Variants in RNF24 observed in about 807,000 individuals in gnomAD.
The protein encoded by RNF24 is ring finger protein 24.
In RNF24, 14 loss-of-function variants were observed where a neutral mutation model predicts 20.0. The ratio of observed to expected loss-of-function variants is 0.70; its 90% CI spans 0.46 to 1.10. The LOEUF (loss-of-function observed/expected upper bound fraction) is 1.10. RNF24 is among the 50% of genes least tolerant of loss of function. The pLI is 0.00. For synonymous variants in RNF24, 45 were observed against 61.1 expected, an observed-to-expected ratio of 0.74 and a Z score of 1.23; for missense variants, 124 against 177.6, an observed-to-expected ratio of 0.70 and a Z score of 1.71.
At chr20:3,945,300 C>A (rs550873179) in intron 3 of RNF24, 82 bp from the exon 4 acceptor site, 15 of 1,337,920 alleles carry the variant, frequency 1.1e-5, no homozygotes, top group Non-Finnish European at 1.5e-5. Context: ...AAATATTTTT[C>A]TTTTGTATAT....
intron 1 of RNF24, among the ~76,000 whole-genome samples, chr20:3,984,244 A>AAAAAG (rs973848678): frequency 2.0e-5 from 3 of 151,882 alleles, no homozygotes; most frequent in African/African-American, 2.4e-5. Flanking sequence ...CTTAAAAAAA[A>AAAAAG]AAAAGAAAAG....
chr20:3,953,899 G>A (rs533423886), intron 2 of RNF24, among the ~76,000 whole-genome samples: 10 of 151,144 alleles, frequency 6.6e-5, no homozygotes, highest in Admixed American at 4.0e-4. Flanking sequence ...TGAGAATACA[G>A]GTGTGTGCCA....
chr20:3,967,653 C>CA (rs1335837595), intron 1 of RNF24, among the ~76,000 whole-genome samples: 1 of 152,118 alleles, frequency 6.6e-6, no homozygotes, highest in African/African-American at 2.4e-5. Context: ...GTTCCCTGGA[C>CA]AATACCATAT....
Position 3,964,035 on chromosome 20 carries a change from A to C in RNF24, c.-7-11T>G, listed in dbSNP as rs759823478. 2.5e-5 allele frequency: 41 copies of C among 1,609,124 alleles called. No individual in the cohort carries two copies. Among genetic ancestry groups the C allele is most frequent in the Non-Finnish European group, 3.4e-5 (40 of 1,178,460 alleles). On this transcript the variant is annotated splice_polypyrimidine_tract_variant and intron_variant, in intron 1 of 5. Coordinates refer to ENST00000358395, the MANE Select transcript of RNF24 (RefSeq NM_001134337.3). ...GAGCTCATGGATGAACTGTGGGGGA[A>C]GAAAAGAATGGAAAAAAAATAGGTA... is the stretch of plus-strand genomic sequence containing the variant.
At chr20:3,986,629 A>T (rs1979936058) in intron 1 of RNF24, among the ~76,000 whole-genome samples, 1 of 151,062 alleles carries the variant, frequency 6.6e-6, no homozygotes, top group Non-Finnish European at 1.5e-5. Flanking sequence ...TATCCCAGGC[A>T]TGAGTGTGCA....
intron 1 of RNF24, among the ~76,000 whole-genome samples, chr20:4,008,400 A>AT (rs1982097781): frequency 8.3e-5 from 6 of 71,942 alleles, no homozygotes; most frequent in Non-Finnish European, 1.3e-4. Flanking sequence ...TTATATATGT[A>AT]ATATGTATAA....
At chr20:3,966,948 C>T (rs1352670668) in intron 1 of RNF24, among the ~76,000 whole-genome samples, 1 of 152,136 alleles carries the variant, frequency 6.6e-6, no homozygotes, top group East Asian at 1.9e-4. Context: ...TAATAAATCC[C>T]AATTACCAGA....
At chr20:4,009,007 T>G (rs1982211202) in intron 1 of RNF24, among the ~76,000 whole-genome samples, 2 of 152,190 alleles carry the variant, frequency 1.3e-5, no homozygotes, top group South Asian at 4.1e-4. Flanking sequence ...TTTTTAAAAA[T>G]CAAAAGCTAT....
intron 2 of RNF24, 104 bp from the exon 3 acceptor site, chr20:3,948,383 C>T: frequency 2.7e-6 from 2 of 747,864 alleles, no homozygotes; most frequent in Non-Finnish European, 4.4e-6. Flanking sequence ...ACATTTATGG[C>T]TCAAATGATA....
chr20:3,977,382 G>A (rs540409387), intron 1 of RNF24, among the ~76,000 whole-genome samples: 1 of 152,080 alleles, frequency 6.6e-6, no homozygotes, highest in Non-Finnish European at 1.5e-5. Context: ...GCCACAAACA[G>A]TATGTATAAT....
intron 1 of RNF24, among the ~76,000 whole-genome samples, chr20:3,997,143 T>C (rs1042418529): frequency 5.3e-5 from 8 of 149,984 alleles, no homozygotes; most frequent in African/African-American, 2.0e-4. Flanking sequence ...GGAGAGTTGC[T>C]TGAACCCAGG....
At chr20:3,976,269 C>T (rs1026242045) in intron 1 of RNF24, among the ~76,000 whole-genome samples, 5 of 152,100 alleles carry the variant, frequency 3.3e-5, no homozygotes, top group African/African-American at 4.8e-5. Context: ...AGTACATAAA[C>T]GTATGTTCAA....
chr20:3,994,663 G>A (rs1398371138), intron 1 of RNF24, among the ~76,000 whole-genome samples: 3 of 152,126 alleles, frequency 2.0e-5, no homozygotes, highest in Admixed American at 2.0e-4. Context: ...ACGAGTCTTT[G>A]GACCCTGTTG....
chr20:3,977,203 A>G (rs567731382), intron 1 of RNF24, among the ~76,000 whole-genome samples: 1 of 152,326 alleles, frequency 6.6e-6, no homozygotes, highest in Non-Finnish European at 1.5e-5. Flanking sequence ...AAAATCCCCC[A>G]TAGTAATCTA....
At chr20:4,009,398 G>A (rs1478707334) in intron 1 of RNF24, among the ~76,000 whole-genome samples, 1 of 152,186 alleles carries the variant, frequency 6.6e-6, no homozygotes, top group African/African-American at 2.4e-5. Flanking sequence ...ATGCAAGAGA[G>A]AGGGCAAAAA....
At chr20:3,939,717 T>C (rs1568615327) in intron 4 of RNF24, among the ~76,000 whole-genome samples, 1 of 152,224 alleles carries the variant, frequency 6.6e-6, no homozygotes, top group Admixed American at 6.5e-5. Context: ...AGAATTCATC[T>C]GCTTGTCAAT....
chr20:3,978,175 T>C (rs1002056352), intron 1 of RNF24, among the ~76,000 whole-genome samples: 1 of 151,352 alleles, frequency 6.6e-6, no homozygotes, highest in Admixed American at 6.6e-5. Context: ...GTAGCTGGGA[T>C]TACAGGTGTG....
rs2091001406 is a variant in RNF24 at position 3,945,145 on chromosome 20, G to T, written c.228+32C>A. 3 of 1,591,888 alleles carry T rather than the reference G, an allele frequency of 1.9e-6. No individual in the cohort carries two copies. In the African/African-American group the frequency reaches 4.1e-5, roughly 22 times the overall value. On this transcript the variant is annotated intron_variant, in intron 4 of 5. Coordinates refer to ENST00000358395, the MANE Select transcript of RNF24 (RefSeq NM_001134337.3). ...CAGCATACCACTGCTACTAGAAAAT[G>T]GCTCAAGAGGATTTACTTATCATCA...
At chr20:3,980,875 T>C (rs763774934) in intron 1 of RNF24, among the ~76,000 whole-genome samples, 2 of 149,558 alleles carry the variant, frequency 1.3e-5, no homozygotes, top group Non-Finnish European at 3.0e-5. Context: ...CTAATAACCC[T>C]GGGCTCCATT....
Sources: gnomAD v4.1 joint callset for allele counts (sites outside exome capture counted in the v4.1 genomes callset) on GRCh38, gnomAD v4.1.1 for gene constraint, MANE v1.5 for transcripts, NCBI Gene and HGNC (gene_info 2026-07-23, HGNC 2026-07-21) for gene names.